The following FAM184A variants were observed in gnomAD, a reference collection of about 807,000 sequenced individuals.
FAM184A encodes protein FAM184A.
Under a neutral mutation model 143.8 loss-of-function variants are expected in FAM184A, and 99 were observed. That is an observed-to-expected ratio of 0.69 (90% CI 0.58 to 0.81). The LOEUF is 0.81. Ranked by LOEUF, FAM184A falls within the 40% of genes least tolerant of loss-of-function variation. The pLI is 0.00. For missense variants in FAM184A, 1,217 were observed against 1,310.5 expected (o/e 0.93, Z 1.10); for synonymous variants, 427 against 446.4 (o/e 0.96, Z 0.55).
intron 1 of FAM184A, among the ~76,000 whole-genome samples, chr6:119,038,923 C>T (rs1786213994): frequency 6.6e-6 from 1 of 152,090 alleles, no homozygotes; most frequent in South Asian, 2.1e-4. Context: ...AGATAAAGGA[C>T]TTAACCAAAA....
intron 1 of FAM184A, among the ~76,000 whole-genome samples, chr6:119,096,642 CAAAAA>C (rs763619775): frequency 1.5e-4 from 3 of 20,648 alleles, no homozygotes; most frequent in African/African-American, 3.8e-4. Flanking sequence ...GACTCCATCT[CAAAAA>C]AAAAAAAAAA....
At chr6:118,970,867 G>A (rs1783675466) in intron 14 of FAM184A, among the ~76,000 whole-genome samples, 2 of 152,076 alleles carry the variant, frequency 1.3e-5, no homozygotes, top group Non-Finnish European at 1.5e-5. Context: ...GTGATTCATG[G>A]ACAACAGGCC....
intron 9 of FAM184A, among the ~76,000 whole-genome samples, chr6:118,984,162 T>A (rs6901259): frequency 0.14 from 16,138 of 119,540 alleles, 1,164 homozygotes; most frequent in Non-Finnish European, 0.17. Context: ...AAAAAAAATA[T>A]ATATATATAT....
chr6:118,965,559 G>A (rs564450405), intron 15 of FAM184A, among the ~76,000 whole-genome samples: 63 of 152,250 alleles, frequency 4.1e-4, no homozygotes, highest in Non-Finnish European at 6.9e-4. Flanking sequence ...GAGAATGCAG[G>A]GCTGTGCTCT....
intron 1 of FAM184A, among the ~76,000 whole-genome samples, chr6:119,146,307 T>G (rs1772424648): frequency 6.6e-6 from 1 of 152,104 alleles, no homozygotes; most frequent in South Asian, 2.1e-4. Flanking sequence ...TGGCCCGCAG[T>G]GTGCTCCACA....
intron 9 of FAM184A, among the ~76,000 whole-genome samples, chr6:119,002,051 A>G (rs1361582751): frequency 1.3e-5 from 2 of 152,184 alleles, no homozygotes. Context: ...GATACTAGAC[A>G]CAAATTGGCA....
At chr6:119,110,094 G>A (rs1028648525) in intron 1 of FAM184A, among the ~76,000 whole-genome samples, 2 of 152,048 alleles carry the variant, frequency 1.3e-5, no homozygotes, top group Admixed American at 6.6e-5. Context: ...TATTTTTCTC[G>A]CATAACAGGA....
chr6:119,040,190 C>T (rs1331372325), intron 1 of FAM184A, among the ~76,000 whole-genome samples: 1 of 152,168 alleles, frequency 6.6e-6, no homozygotes, highest in Admixed American at 6.5e-5. Context: ...CTTTATGCCC[C>T]TCAGTTGAAT....
At chr6:118,990,822 G>A (rs1476385700) in intron 9 of FAM184A, among the ~76,000 whole-genome samples, 3 of 151,964 alleles carry the variant, frequency 2.0e-5, no homozygotes, top group Non-Finnish European at 4.4e-5. Flanking sequence ...ACCGAGAGGC[G>A]AGGGTTGTGG....
chr6:119,137,911 A>G (rs924834889), intron 1 of FAM184A, among the ~76,000 whole-genome samples: 1 of 152,208 alleles, frequency 6.6e-6, no homozygotes, highest in Admixed American at 6.5e-5. Context: ...TGTCTTGCAG[A>G]TACCCCAACA....
chr6:119,102,165 G>A (rs1416621076), intron 1 of FAM184A, among the ~76,000 whole-genome samples: 1 of 152,106 alleles, frequency 6.6e-6, no homozygotes, highest in East Asian at 1.9e-4. Context: ...GTTAGGGCAG[G>A]GCACAGGAAA....
At chr6:119,136,933 G>A (rs1789687627) in intron 1 of FAM184A, among the ~76,000 whole-genome samples, 1 of 152,152 alleles carries the variant, frequency 6.6e-6, no homozygotes, top group Non-Finnish European at 1.5e-5. Flanking sequence ...AAAAAATGGG[G>A]ACATTGATGC....
chr6:118,972,891 A>T (rs1379761223), intron 14 of FAM184A, among the ~76,000 whole-genome samples: 1 of 152,196 alleles, frequency 6.6e-6, no homozygotes, highest in Non-Finnish European at 1.5e-5. Flanking sequence ...ATTGTAAATC[A>T]TTTCTGCAAA....
intron 1 of FAM184A, among the ~76,000 whole-genome samples, chr6:119,087,734 T>C (rs1788257270): frequency 1.3e-5 from 2 of 152,174 alleles, no homozygotes; most frequent in African/African-American, 4.8e-5. Flanking sequence ...GATTCAGAAA[T>C]TTCACCTCTA....
chr6:119,047,450 G>T (rs1297045429), intron 1 of FAM184A, among the ~76,000 whole-genome samples: 3 of 152,178 alleles, frequency 2.0e-5, no homozygotes, highest in African/African-American at 7.2e-5. Flanking sequence ...TGCAGCACCG[G>T]TTATAATAGT....
intron 1 of FAM184A, among the ~76,000 whole-genome samples, chr6:119,036,273 A>G (rs1562483660): frequency 6.6e-6 from 1 of 151,600 alleles, no homozygotes; most frequent in Non-Finnish European, 1.5e-5. Flanking sequence ...TTCGTACATT[A>G]TGTAATCAAA....
intron 1 of FAM184A, among the ~76,000 whole-genome samples, chr6:119,116,424 G>A (rs557164791): frequency 6.6e-6 from 1 of 152,034 alleles, no homozygotes; most frequent in East Asian, 1.9e-4. Flanking sequence ...CTGAACGACA[G>A]GATCGTTGGG....
intron 1 of FAM184A, among the ~76,000 whole-genome samples, chr6:119,109,041 G>A (rs549727875): frequency 3.3e-5 from 5 of 152,126 alleles, no homozygotes; most frequent in South Asian, 4.2e-4. Flanking sequence ...TACTTAGAAA[G>A]TTATTTCTTC....
intron 4 of FAM184A, among the ~76,000 whole-genome samples, chr6:119,019,609 T>A (rs1232360771): frequency 1.3e-5 from 2 of 152,236 alleles, no homozygotes; most frequent in African/African-American, 4.8e-5. Context: ...AAGCTTGTCA[T>A]ATTTTCAGTT....
Sources: allele counts gnomAD v4.1 joint callset (sites outside exome capture counted in the v4.1 genomes callset), GRCh38; gene constraint gnomAD v4.1.1; transcripts MANE v1.5; gene names NCBI Gene and HGNC (gene_info 2026-07-23, HGNC 2026-07-21).